MPP3: variants seen among roughly 807,000 people sequenced by gnomAD.
MPP3 encodes MAGUK p55 scaffold protein 3.
A neutral mutation model predicts 80.7 loss-of-function variants in MPP3; 48 were observed. The observed-to-expected ratio is 0.59, with a 90% CI of 0.47 to 0.76. MPP3 has a LOEUF of 0.76. Ranked by LOEUF, MPP3 falls within the 30% of genes least tolerant of loss-of-function variation. The pLI is 0.00. For synonymous variants in MPP3, 311 were observed against 297.6 expected (o/e 1.04, Z -0.46); for missense variants, 620 against 763.0 (o/e 0.81, Z 2.21).
chr17:43,801,619 G>T lies in MPP3; in HGVS notation c.*82C>A. 2 of 1,344,834 alleles carry T rather than the reference G, an allele frequency of 1.5e-6. No homozygotes were observed. Among genetic ancestry groups the T allele is most frequent in the Non-Finnish European group, 2.1e-6 (2 of 947,882 alleles). The allele number at this position is 1,344,834 out of a possible 1,614,324, so 83.3% of individuals were successfully genotyped here. A position where few individuals can be genotyped will look rare whatever the true frequency, so the allele number is the denominator to read the frequency against. On this transcript the variant is annotated 3_prime_UTR_variant, in exon 20 of 20. Transcript: ENST00000398389. Reference sequence around the variant, plus strand: ...GAGAATTCTCTCCCTCTCTGCGCTTGAGATTCCTTGATGGTAAAATGAGGG... The same window carrying T: ...GAGAATTCTCTCCCTCTCTGCGCTTTAGATTCCTTGATGGTAAAATGAGGG...
intron 19 of MPP3, among the ~76,000 whole-genome samples, chr17:43,806,753 C>A (rs143536855): frequency 6.6e-6 from 1 of 151,756 alleles, no homozygotes; most frequent in Non-Finnish European, 1.5e-5. Flanking sequence ...GGATTACAGG[C>A]GCGTGCCACC....
chr17:43,808,598 A>G (rs940111506), intron 19 of MPP3, among the ~76,000 whole-genome samples: 4 of 152,232 alleles, frequency 2.6e-5, no homozygotes, highest in African/African-American at 9.6e-5. Flanking sequence ...TCAATTTAAA[A>G]TACTTGGATT....
chr17:43,813,867 T>C, intron 16 of MPP3, 144 bp downstream of exon 16: 1 of 697,162 alleles, frequency 1.4e-6, no homozygotes, highest in South Asian at 1.9e-5. Context: ...ATCATGCCTT[T>C]GTCCCACAAT....
intron 12 of MPP3, among the ~76,000 whole-genome samples, chr17:43,817,374 G>C (rs1178674852): frequency 6.6e-6 from 1 of 152,206 alleles, no homozygotes; most frequent in Non-Finnish European, 1.5e-5. Flanking sequence ...CCAAGAAGTA[G>C]GTGGACATGT....
chr17:43,810,944 T>C, intron 17 of MPP3, 29 bp from the exon 18 acceptor site: 1 of 1,546,578 alleles, frequency 6.5e-7, no homozygotes, highest in South Asian at 1.2e-5. Context: ...GGAAAAGGCC[T>C]TTAGTTCCTC....
chr17:43,803,562 T>C (rs758196146), intron 19 of MPP3, among the ~76,000 whole-genome samples: 3 of 152,170 alleles, frequency 2.0e-5, no homozygotes, highest in African/African-American at 4.8e-5. Context: ...CATTAACTTG[T>C]GGTCAGCAAG....
rs1425761131 is a variant in MPP3, at chr17:43,831,658, G to A, written c.45C>T (p.Ala15=). The change falls in exon 4 of 20, where the codon GCC becomes GCT. Residue 15 remains alanine (A), a synonymous_variant. Transcript: ENST00000398389. ...SEDSGLHETL[A]LLTSQLRPDS... The stretch of plus-strand genomic sequence containing the variant: ...CAGGTCTGAGCTGGGAGGTCAGCAG[G>A]GCCAGGGTTTCATGCAAACCTGGGG... 6.2e-7 allele frequency: 1 copy of A among 1,611,950 alleles called. No individual in the cohort carries two copies. Among genetic ancestry groups the A allele is most frequent in the Admixed American group, 1.7e-5 (1 of 59,800 alleles).
rs2045582087 is a variant in MPP3, at chr17:43,824,008, G to A, written c.610-3C>T. 1 of 1,602,524 alleles carries A rather than the reference G, an allele frequency of 6.2e-7. No homozygotes were observed. Among genetic ancestry groups the A allele is most frequent in the Non-Finnish European group, 8.5e-7 (1 of 1,173,578 alleles). ...GTGATGGATCCCTGGGACTGGGCCT[G>A]AAACGAAAGAGAACAGAAGCTTCTC... is the stretch of plus-strand genomic sequence containing the variant. On this transcript the variant is annotated splice_region_variant and splice_polypyrimidine_tract_variant and intron_variant, in intron 9 of 19. Transcript: ENST00000398389.
chr17:43,821,806 T>TC (rs2045475704), intron 10 of MPP3, among the ~76,000 whole-genome samples: 1 of 152,130 alleles, frequency 6.6e-6, no homozygotes. Context: ...AAAAAAGCAA[T>TC]CAGGGGTCTT....
intron 11 of MPP3, among the ~76,000 whole-genome samples, chr17:43,820,639 C>CACACAT (rs796095687): frequency 1.7e-4 from 25 of 145,370 alleles, no homozygotes; most frequent in African/African-American, 3.6e-4. Context: ...CACACACACA[C>CACACAT]ATTAACTTAA....
chr17:43,808,466 T>C (rs752102735), intron 19 of MPP3, among the ~76,000 whole-genome samples: 1 of 152,236 alleles, frequency 6.6e-6, no homozygotes, highest in Non-Finnish European at 1.5e-5. Context: ...TCTATGACAG[T>C]GAAACAGAAG....
intron 8 of MPP3, among the ~76,000 whole-genome samples, chr17:43,826,772 C>T (rs1423708770): frequency 2.0e-5 from 3 of 151,970 alleles, no homozygotes; most frequent in Admixed American, 6.5e-5. Flanking sequence ...ACTAAACCAA[C>T]GCATGAGCTT....
chr17:43,832,341 C>A, intron 2 of MPP3: 1 of 235,792 alleles, frequency 4.2e-6, no homozygotes, highest in Non-Finnish European at 8.2e-6. Flanking sequence ...AGCTGTCCTC[C>A]GCAGCGCGCC....
chr17:43,831,418 G>T, intron 4 of MPP3, 97 bp from the exon 5 acceptor site: 2 of 1,406,596 alleles, frequency 1.4e-6, no homozygotes, highest in Non-Finnish European at 2.0e-6. Context: ...CACTGACAGG[G>T]CACCATAAGA....
At chr17:43,823,425 G>C (rs1339460333) in intron 10 of MPP3, among the ~76,000 whole-genome samples, 1 of 152,044 alleles carries the variant, frequency 6.6e-6, no homozygotes, top group Non-Finnish European at 1.5e-5. Flanking sequence ...CACCCTCTAG[G>C]GTGACTGTAA....
intron 11 of MPP3, among the ~76,000 whole-genome samples, chr17:43,819,570 T>C (rs1186838856): frequency 6.6e-6 from 1 of 152,154 alleles, no homozygotes; most frequent in Non-Finnish European, 1.5e-5. Context: ...AAACTGTGTG[T>C]TTGAAGAGCG....
intron 10 of MPP3, among the ~76,000 whole-genome samples, chr17:43,821,393 CA>C (rs2045454053): frequency 1.3e-5 from 2 of 152,322 alleles, no homozygotes; most frequent in African/African-American, 4.8e-5. Flanking sequence ...ATCCTGGGAA[CA>C]AAAAGTAAAG....
rs553877123 is a variant in MPP3, at chr17:43,829,010, A to G, written c.441+644T>C. Among the ~76,000 whole-genome samples, 368 of 152,294 alleles carry G rather than the reference A, an allele frequency of 2.4e-3. 1 individual carries two copies. The highest frequency in any genetic ancestry group is 4.5e-3 in the Non-Finnish European group (306 of 68,026). On this transcript the variant is annotated intron_variant, in intron 7 of 19. Coordinates refer to ENST00000398389, the MANE Select transcript of MPP3 (RefSeq NM_001932.6). ...GGAAATAGAGAATGCCAGCTGTGGG[A>G]TCCTCTGGAGCCAATCTCAATTCTC... is the stretch of plus-strand genomic sequence containing the variant.
In MPP3 at chr17:43,801,919, T is replaced by G. The variant is rs762318632; in HGVS notation, c.1582-42A>C. Reference sequence around the variant, plus strand: ...GGTAAAAGGAGCAACTGGGTTGTTCTCCTATAACAAACCTATAACCTTTGT... The same window carrying G: ...GGTAAAAGGAGCAACTGGGTTGTTCGCCTATAACAAACCTATAACCTTTGT... On this transcript the variant is annotated intron_variant, in intron 19 of 19. Transcript: ENST00000398389. 3.2e-6 allele frequency: 5 copies of G among 1,585,362 alleles called. No individual in the cohort carries two copies. In the South Asian group the frequency reaches 5.6e-5, roughly 18 times the overall value.
Sources: allele counts gnomAD v4.1 joint callset (sites outside exome capture counted in the v4.1 genomes callset), GRCh38; gene constraint gnomAD v4.1.1; transcripts MANE v1.5; gene names NCBI Gene and HGNC (gene_info 2026-07-23, HGNC 2026-07-21).